Variants in PHLPP1 observed in about 807,000 individuals in gnomAD.
The protein encoded by PHLPP1 is PH domain and leucine rich repeat protein phosphatase 1.
A neutral mutation model predicts 117.2 loss-of-function variants in PHLPP1; 42 were observed. The observed-to-expected ratio is 0.36, with a 90% CI of 0.28 to 0.46. PHLPP1 has a LOEUF of 0.46. Among genes scored for constraint, PHLPP1 ranks in the 20% least tolerant of loss-of-function variants. The pLI is 1.00. For synonymous variants in PHLPP1, 1,042 were observed against 970.7 expected (o/e 1.07, Z -1.37); for missense variants, 2,084 against 2,241.9 (o/e 0.93, Z 1.42).
chr18:62,898,909 C>G (rs1181253330), intron 6 of PHLPP1, among the ~76,000 whole-genome samples: 1 of 151,816 alleles, frequency 6.6e-6, no homozygotes, highest in Non-Finnish European at 1.5e-5. Flanking sequence ...AGCAATTTTC[C>G]TGCCTCAGCC....
intron 3 of PHLPP1, among the ~76,000 whole-genome samples, chr18:62,849,796 A>AC (rs1915278748): frequency 2.8e-5 from 2 of 71,166 alleles, no homozygotes; most frequent in Non-Finnish European, 5.3e-5. Flanking sequence ...CCCTGTCTCT[A>AC]CAAAAAAAAA....
chr18:62,804,019 T>C (rs539125268), intron 1 of PHLPP1, among the ~76,000 whole-genome samples: 277 of 152,248 alleles, frequency 1.8e-3, no homozygotes, highest in African/African-American at 6.5e-3. Context: ...AAGAACTGCC[T>C]GAGACTGGGA....
At position 62,896,826 on chromosome 18, in the gene PHLPP1, C is replaced by T. The variant is rs1916576023; in HGVS notation, c.2444+815C>T. Among the ~76,000 whole-genome samples the T allele has an allele frequency of 2.0e-5, 3 of 152,148 alleles. No individual in the cohort carries two copies. The South Asian group carries it at 6.2e-4, about 32-fold the overall frequency. ...GTTCAGCCTAGGAAACCTATACATTCCAGTCCCATAAAGAATTGCTTGGCT... is the reference window on the plus strand; with the variant it reads ...GTTCAGCCTAGGAAACCTATACATTTCAGTCCCATAAAGAATTGCTTGGCT... On this transcript the variant is annotated intron_variant, in intron 6 of 16. Coordinates refer to ENST00000262719, the MANE Select transcript of PHLPP1 (RefSeq NM_194449.4).
At chr18:62,733,477 C>T (rs184123337) in intron 1 of PHLPP1, among the ~76,000 whole-genome samples, 138 of 152,240 alleles carry the variant, frequency 9.1e-4, no homozygotes, top group East Asian at 2.5e-3. Flanking sequence ...TTGTGATATT[C>T]GCCCTATAAC....
intron 3 of PHLPP1, among the ~76,000 whole-genome samples, chr18:62,849,797 C>CA (rs1159265423): frequency 0.021 from 152 of 7,400 alleles, 55 homozygotes; most frequent in Non-Finnish European, 0.033. Context: ...CCTGTCTCTA[C>CA]AAAAAAAAAA....
chr18:62,838,948 A>G, intron 3 of PHLPP1, 39 bp downstream of exon 3: 1 of 1,610,392 alleles, frequency 6.2e-7, no homozygotes, highest in East Asian at 2.2e-5. Context: ...CTCAGCTTCT[A>G]GCTGGCTACA....
At chr18:62,803,628 C>T (rs188877853) in intron 1 of PHLPP1, among the ~76,000 whole-genome samples, 1 of 152,224 alleles carries the variant, frequency 6.6e-6, no homozygotes, top group Non-Finnish European at 1.5e-5. Context: ...TTTTTCCTAC[C>T]TAATTACAAA....
chr18:62,941,084 T>C (rs1910119557), intron 10 of PHLPP1, among the ~76,000 whole-genome samples: 1 of 152,246 alleles, frequency 6.6e-6, no homozygotes, highest in Non-Finnish European at 1.5e-5. Context: ...TTTAGTTCTT[T>C]ATTCTCATTG....
chr18:62,811,723 G>T (rs1042109788), intron 1 of PHLPP1, among the ~76,000 whole-genome samples: 5 of 151,884 alleles, frequency 3.3e-5, no homozygotes. Flanking sequence ...AATTATAGGA[G>T]GTTTTATAAT....
intron 1 of PHLPP1, among the ~76,000 whole-genome samples, chr18:62,779,973 T>C (rs1350070108): frequency 6.6e-6 from 1 of 152,206 alleles, no homozygotes; most frequent in Non-Finnish European, 1.5e-5. Context: ...ATGAATATTT[T>C]GGCCCTCAGT....
At chr18:62,951,380 T>C (rs1910453713) in intron 12 of PHLPP1, among the ~76,000 whole-genome samples, 1 of 152,216 alleles carries the variant, frequency 6.6e-6, no homozygotes, top group Non-Finnish European at 1.5e-5. Flanking sequence ...TTGCATACAT[T>C]TTATGGAATA....
rs1282067198 is a variant in PHLPP1, at chr18:62,980,353, A to G, written c.*922A>G. ...TATAGTGCCCCATTAGGCCATTTAC[A>G]TACCCAGAGTTATACTCAAGCAGAA... On this transcript the variant is annotated 3_prime_UTR_variant, in exon 17 of 17. Transcript: ENST00000262719. 3.3e-5 allele frequency: 5 copies of G among 152,662 alleles called. No homozygotes were observed. The highest frequency in any genetic ancestry group is 1.2e-4 in the African/African-American group (5 of 41,456). The allele number at this position is 152,662 out of a possible 1,614,324, so 9.5% of individuals were successfully genotyped here.
At chr18:62,767,510 A>G (rs1912588654) in intron 1 of PHLPP1, among the ~76,000 whole-genome samples, 1 of 152,240 alleles carries the variant, frequency 6.6e-6, no homozygotes, top group Non-Finnish European at 1.5e-5. Context: ...CGGCCCATAT[A>G]TGGCAAAACC....
chr18:62,780,342 G>A (rs1342165752), intron 1 of PHLPP1, among the ~76,000 whole-genome samples: 1 of 152,130 alleles, frequency 6.6e-6, no homozygotes, highest in African/African-American at 2.4e-5. Context: ...TTATTTAAGT[G>A]GATAATAAAG....
chr18:62,977,167 G>C (rs1389085502), intron 16 of PHLPP1, among the ~76,000 whole-genome samples: 3 of 152,126 alleles, frequency 2.0e-5, no homozygotes, highest in Non-Finnish European at 4.4e-5. Context: ...TATAAGTGTG[G>C]TGTGGCAAAG....
chr18:62,942,596 C>T (rs934949698), intron 11 of PHLPP1, among the ~76,000 whole-genome samples: 5 of 152,046 alleles, frequency 3.3e-5, no homozygotes, highest in Admixed American at 6.6e-5. Context: ...TTTCGGTGAG[C>T]GGTGACATTA....
At chr18:62,727,087 G>T (rs1225925488) in intron 1 of PHLPP1, among the ~76,000 whole-genome samples, 1 of 151,470 alleles carries the variant, frequency 6.6e-6, no homozygotes, top group Non-Finnish European at 1.5e-5. Flanking sequence ...AATTAGCTGG[G>T]CATGGTGGCA....
At chr18:62,905,112 A>G (rs1916813098) in intron 7 of PHLPP1, 112 bp from the exon 8 acceptor site, 1 of 538,210 alleles carries the variant, frequency 1.9e-6, no homozygotes, top group Admixed American at 4.3e-5. Context: ...GTACTTCCTA[A>G]ACTAAACAAA....
rs751189889 is a variant in PHLPP1, at chr18:62,715,634, C to T, written c.-50C>T. On this transcript the variant is annotated 5_prime_UTR_variant, in exon 1 of 17. Coordinates refer to ENST00000262719, the MANE Select transcript of PHLPP1 (RefSeq NM_194449.4). ...CCCACCTCCGCCTCATCGCCTCCCTCTCCGCCCGCTGCCTCCGGAGCTGGG... is the reference window on the plus strand; with the variant it reads ...CCCACCTCCGCCTCATCGCCTCCCTTTCCGCCCGCTGCCTCCGGAGCTGGG... 1 of 1,225,382 alleles carries T rather than the reference C, an allele frequency of 8.2e-7. No individual in the cohort carries two copies. The highest frequency in any genetic ancestry group is 3.2e-5 in the South Asian group (1 of 30,790). The allele number at this position is 1,225,382 out of a possible 1,614,324, so 75.9% of individuals were successfully genotyped here.
Sources: gnomAD v4.1 joint callset for allele counts (sites outside exome capture counted in the v4.1 genomes callset) on GRCh38, gnomAD v4.1.1 for gene constraint, MANE v1.5 for transcripts, NCBI Gene and HGNC (gene_info 2026-07-23, HGNC 2026-07-21) for gene names.